Variants in KIF6 observed in about 807,000 individuals in gnomAD.
KIF6 encodes kinesin family member 6.
In KIF6, 106 loss-of-function variants were observed where a neutral mutation model predicts 112.7. The observed-to-expected ratio is 0.94, with a 90% confidence interval of 0.80 to 1.11. The LOEUF is 1.11. KIF6 is among the 50% of genes least tolerant of loss of function. The pLI, the probability that KIF6 is intolerant of heterozygous loss-of-function variation, is 0.00. For synonymous variants in KIF6, 339 were observed against 339.9 expected (o/e 1.00, Z 0.03); for missense variants, 929 against 964.0 (o/e 0.96, Z 0.48).
At chr6:39,489,443 G>C (rs1489085882) in intron 13 of KIF6, among the ~76,000 whole-genome samples, 1 of 152,026 alleles carries the variant, frequency 6.6e-6, no homozygotes, top group Admixed American at 6.6e-5. Flanking sequence ...AAATCATCTT[G>C]GGTTACTTAT....
intron 13 of KIF6, among the ~76,000 whole-genome samples, chr6:39,528,039 A>T (rs1777831934): frequency 6.6e-6 from 1 of 152,314 alleles, no homozygotes; most frequent in Non-Finnish European, 1.5e-5. Flanking sequence ...TTCATTATGC[A>T]GTACAATATA....
intron 13 of KIF6, among the ~76,000 whole-genome samples, chr6:39,492,215 T>C (rs73412736): frequency 0.042 from 6,464 of 152,304 alleles, 464 homozygotes; most frequent in African/African-American, 0.15. Context: ...TTCTAACGAC[T>C]TTAAGGGCAT....
At chr6:39,496,746 A>G (rs1262430579) in intron 13 of KIF6, among the ~76,000 whole-genome samples, 3 of 152,344 alleles carry the variant, frequency 2.0e-5, no homozygotes, top group South Asian at 4.1e-4. Flanking sequence ...TGATGAATAT[A>G]AATTCGTAAA....
chr6:39,699,325 G>GT (rs1788736405), intron 3 of KIF6, among the ~76,000 whole-genome samples: 1 of 152,116 alleles, frequency 6.6e-6, no homozygotes, highest in Non-Finnish European at 1.5e-5. Flanking sequence ...CACTAAGAAG[G>GT]TATCATTTGA....
intron 4 of KIF6, among the ~76,000 whole-genome samples, chr6:39,636,108 G>A (rs1334625673): frequency 6.6e-6 from 1 of 151,992 alleles, no homozygotes; most frequent in Non-Finnish European, 1.5e-5. Flanking sequence ...TCTAACTAGA[G>A]TTGAGCCTCT....
chr6:39,357,983 A>T (rs1764844341), intron 18 of KIF6, among the ~76,000 whole-genome samples: 1 of 152,232 alleles, frequency 6.6e-6, no homozygotes, highest in African/African-American at 2.4e-5. Flanking sequence ...ATTGTTTAAA[A>T]TGTTATCTTC....
chr6:39,721,354 T>G (rs1388293105), intron 1 of KIF6, among the ~76,000 whole-genome samples: 3 of 152,164 alleles, frequency 2.0e-5, no homozygotes, highest in Non-Finnish European at 4.4e-5. Context: ...AAAAGACACA[T>G]GTAATTCATG....
intron 3 of KIF6, among the ~76,000 whole-genome samples, chr6:39,712,472 A>C (rs917363428): frequency 6.6e-6 from 1 of 152,148 alleles, no homozygotes; most frequent in Non-Finnish European, 1.5e-5. Flanking sequence ...GTTATCATGG[A>C]GTTTATCACA....
chr6:39,478,069 T>G (rs1361203201), intron 13 of KIF6, among the ~76,000 whole-genome samples: 1 of 152,174 alleles, frequency 6.6e-6, no homozygotes, highest in Admixed American at 6.5e-5. Context: ...CCATAGGTTT[T>G]TGGGGAACAG....
At position 39,535,065 on chromosome 6, in the gene KIF6, C is replaced by T. The variant is rs548047110; in HGVS notation, c.1645+4938G>A. On this transcript the variant is annotated intron_variant, in intron 13 of 22. Coordinates refer to ENST00000287152, the MANE Select transcript of KIF6 (RefSeq NM_145027.6). ...CCTAAAAGAGCTCCTGAAGGAAGCA[C>T]TAAACATGGAAAGGAACAACTGGTA... 3.3e-5 allele frequency among the ~76,000 whole-genome samples: 5 copies of T among 152,254 alleles called. No homozygotes were observed. In the South Asian group the frequency reaches 1.0e-3, roughly 32 times the overall value.
intron 22 of KIF6, among the ~76,000 whole-genome samples, chr6:39,341,833 G>T (rs1221225804): frequency 6.6e-6 from 1 of 152,094 alleles, no homozygotes; most frequent in East Asian, 1.9e-4. Context: ...TTGGTCTACT[G>T]GTGAGTCCAA....
intron 7 of KIF6, among the ~76,000 whole-genome samples, chr6:39,594,573 A>T (rs1260666560): frequency 6.6e-6 from 1 of 152,180 alleles, no homozygotes; most frequent in Non-Finnish European, 1.5e-5. Flanking sequence ...CCTGACTGGG[A>T]TTCATCTGGT....
chr6:39,607,490 A>G (rs1467423086), intron 6 of KIF6, among the ~76,000 whole-genome samples: 4 of 152,198 alleles, frequency 2.6e-5, no homozygotes, highest in Non-Finnish European at 4.4e-5. Context: ...GTAGGTATGT[A>G]TAATAGATAA....
At chr6:39,430,329 C>T (rs1402014072) in intron 14 of KIF6, among the ~76,000 whole-genome samples, 1 of 152,136 alleles carries the variant, frequency 6.6e-6, no homozygotes, top group Non-Finnish European at 1.5e-5. Context: ...ACTCAGATCT[C>T]ATTTTAATTC....
chr6:39,702,723 A>G (rs928037581), intron 3 of KIF6, among the ~76,000 whole-genome samples: 1 of 152,196 alleles, frequency 6.6e-6, no homozygotes, highest in African/African-American at 2.4e-5. Flanking sequence ...TTAATAACAC[A>G]AATTCCTTTA....
intron 15 of KIF6, among the ~76,000 whole-genome samples, chr6:39,409,460 A>G (rs865818144): frequency 6.2e-4 from 95 of 152,248 alleles, no homozygotes; most frequent in African/African-American, 2.0e-3. Flanking sequence ...TGCTTTTTCA[A>G]TGTTGCCCAG....
chr6:39,398,702 A>G (rs114880231), intron 15 of KIF6, among the ~76,000 whole-genome samples: 1,700 of 152,368 alleles, frequency 0.011, 32 homozygotes, highest in African/African-American at 0.039. Context: ...CTTCAGAAAC[A>G]CAGATCGGGT....
chr6:39,457,328 C>G (rs1417721537), intron 13 of KIF6, among the ~76,000 whole-genome samples: 1 of 147,008 alleles, frequency 6.8e-6, no homozygotes, highest in South Asian at 2.3e-4. Flanking sequence ...CCAACGAGAA[C>G]AAAGACACAA....
chr6:39,519,004 T>A lies in KIF6; in HGVS notation c.1645+20999A>T, dbSNP rs2150522246. Among the ~76,000 whole-genome samples the A allele has an allele frequency of 3.9e-5, 6 of 152,328 alleles. 1 individual carries two copies. The Middle Eastern group carries it at 0.02, about 518-fold the overall frequency. On this transcript the variant is annotated intron_variant, in intron 13 of 22. Transcript: ENST00000287152. ...CATTAATATCTCTTTGTTGTGTCTG[T>A]TAGCTTCACAAAAGCATTTGACACC... is the stretch of plus-strand genomic sequence containing the variant.
Sources: gnomAD v4.1 joint callset for allele counts (sites outside exome capture counted in the v4.1 genomes callset) on GRCh38, gnomAD v4.1.1 for gene constraint, MANE v1.5 for transcripts, NCBI Gene and HGNC (gene_info 2026-07-23, HGNC 2026-07-21) for gene names.